ALMS1: variants seen among roughly 807,000 people sequenced by gnomAD.
ALMS1 encodes the protein ALMS1 centrosome and basal body associated protein.
In ALMS1, 271 loss-of-function variants were observed where a neutral mutation model predicts 352.2. The observed-to-expected ratio is 0.77, with a 90% CI of 0.70 to 0.85. The LOEUF (loss-of-function observed/expected upper bound fraction) is 0.85, where lower values mean the gene tolerates loss of function less well. Among genes scored for constraint, ALMS1 ranks in the 40% least tolerant of loss-of-function variants. ALMS1 has a pLI of 0.00. For missense variants in ALMS1, 5,445 were observed against 4,870.7 expected (o/e 1.12, Z -3.51); for synonymous variants, 1,865 against 1,761.2 (o/e 1.06, Z -1.48).
chr2:73,501,171 G>A (rs1388804546), intron 10 of ALMS1, among the ~76,000 whole-genome samples: 1 of 151,896 alleles, frequency 6.6e-6, no homozygotes, highest in Non-Finnish European at 1.5e-5. Flanking sequence ...TTTATCCATT[G>A]GATTATTTGT....
Position 73,448,809 on chromosome 2 carries a change from C to A in ALMS1, c.2282C>A (p.Ser761Tyr). The change falls in exon 8 of 23, where the codon TCT becomes TAT. Residue 761 changes from serine to tyrosine, a missense_variant. Ser to Tyr is a moderately radical substitution (Grantham distance 144). Transcript: ENST00000613296. ...DQKTEIPAVQ[S>Y]SSYSQREKPS... ...AAGACTGAGATACCAGCAGTACAGTCTAGTTCTTACTCACAAAGAGAAAAG... is the reference window on the plus strand; with the variant it reads ...AAGACTGAGATACCAGCAGTACAGTATAGTTCTTACTCACAAAGAGAAAAG... 6.2e-7 allele frequency: 1 copy of A among 1,614,072 alleles called. No homozygotes were observed. Among genetic ancestry groups the A allele is most frequent in the Non-Finnish European group, 8.5e-7 (1 of 1,179,990 alleles).
At chr2:73,527,354 C>G (rs372552404) in intron 11 of ALMS1, among the ~76,000 whole-genome samples, 33 of 150,608 alleles carry the variant, frequency 2.2e-4, no homozygotes, top group African/African-American at 8.0e-4. Context: ...AGTATTAGTT[C>G]TTCTTTAACT....
At chr2:73,558,106 T>G (rs1034197287) in intron 14 of ALMS1, among the ~76,000 whole-genome samples, 1 of 152,210 alleles carries the variant, frequency 6.6e-6, no homozygotes, top group African/African-American at 2.4e-5. Context: ...TTTTGCATTC[T>G]ATTGGCCAGA....
intron 10 of ALMS1, among the ~76,000 whole-genome samples, chr2:73,509,164 C>G (rs1673399080): frequency 6.6e-6 from 1 of 152,086 alleles, no homozygotes; most frequent in Non-Finnish European, 1.5e-5. Context: ...GATGCGTCTC[C>G]TGAATACAGC....
At position 73,491,408 on chromosome 2, in the gene ALMS1, G is replaced by A. The variant is rs34029285; in HGVS notation, c.9449G>A (p.Ser3150Asn). ...TTGAAAACCATACCTTCTCAGAATA[G>A]CCAGATAGTAACCTCCAGGCAAATA... The part of the protein sequence containing the change: ...QDLKTIPSQN[S>N]QIVTSRQIQV... The change falls in exon 10 of 23, where the codon AGC becomes AAC. Residue 3150 changes from serine (S) to asparagine (N), a missense_variant. Physicochemically the swap from Ser to Asn is conservative, Grantham distance 46 (BLOSUM62 1). Transcript: ENST00000613296. 3.2e-5 allele frequency: 51 copies of A among 1,614,012 alleles called. No individual in the cohort carries two copies. Among genetic ancestry groups the A allele is most frequent in the African/African-American group, 5.3e-5 (4 of 74,916 alleles).
chr2:73,482,655 A>G (rs1338172170), intron 9 of ALMS1, among the ~76,000 whole-genome samples: 2 of 152,342 alleles, frequency 1.3e-5, no homozygotes, highest in East Asian at 1.9e-4. Flanking sequence ...AAGGAATGGT[A>G]CCAGTTCCTT....
At chr2:73,392,018 G>C (rs956414988) in intron 1 of ALMS1, among the ~76,000 whole-genome samples, 2 of 151,934 alleles carry the variant, frequency 1.3e-5, no homozygotes, top group Non-Finnish European at 2.9e-5. Context: ...GTGCTACACA[G>C]TATTCTTTAT....
chr2:73,514,913 T>A (rs1478773865), intron 10 of ALMS1, among the ~76,000 whole-genome samples: 2 of 152,194 alleles, frequency 1.3e-5, no homozygotes, highest in Non-Finnish European at 2.9e-5. Flanking sequence ...TTGGCTTTGA[T>A]GCCCCAAGAG....
rs761322020 is a variant in ALMS1 at position 73,453,845 on chromosome 2, T to A, written c.7318T>A (p.Ser2440Thr). 3 of 1,614,164 alleles carry A rather than the reference T, an allele frequency of 1.9e-6. No homozygotes were observed. The South Asian group carries it at 3.3e-5, about 18-fold the overall frequency. ...SNLPESLESV[S>T]DVLLNFFPYV... ...TTTACCAGAGTCTTTGGAATCAGTTTCTGATGTTCTTCTAAACTTCTTTCC... is the reference window on the plus strand; with the variant it reads ...TTTACCAGAGTCTTTGGAATCAGTTACTGATGTTCTTCTAAACTTCTTTCC... Residue 2440 changes from serine to threonine, a missense_variant, in exon 8 of 23, where the codon TCT (serine) becomes ACT (threonine). Coordinates refer to ENST00000613296, the MANE Select transcript of ALMS1 (RefSeq NM_001378454.1).
At position 73,609,582 on chromosome 2, in the gene ALMS1, A is replaced by G; in HGVS notation, c.12477A>G (p.Gln4159=). 1 of 1,614,146 alleles carries G rather than the reference A, an allele frequency of 6.2e-7. No homozygotes were observed. Among genetic ancestry groups the G allele is most frequent in the Non-Finnish European group, 8.5e-7 (1 of 1,179,996 alleles). The change falls in exon 23 of 23, where the codon CAA becomes CAG. Residue 4159 remains glutamine, a synonymous_variant. Coordinates refer to ENST00000613296, the MANE Select transcript of ALMS1 (RefSeq NM_001378454.1). ...TTCTTCTACAGAGAGTGACCAATCAACTTCTGGGGAGAAAAGTTCCCTGGG... is the reference window on the plus strand; with the variant it reads ...TTCTTCTACAGAGAGTGACCAATCAGCTTCTGGGGAGAAAAGTTCCCTGGG... ...AQLYKKRVTN[Q]LLGRKVPWD is the part of the protein sequence containing the mutation.
chr2:73,519,399 A>G (rs1042930434), intron 10 of ALMS1, among the ~76,000 whole-genome samples: 9 of 152,180 alleles, frequency 5.9e-5, no homozygotes, highest in Non-Finnish European at 1.3e-4. Flanking sequence ...TCCTTGACAG[A>G]ATGCTCTGTT....
At chr2:73,394,130 T>G (rs1670707506) in intron 1 of ALMS1, among the ~76,000 whole-genome samples, 2 of 151,540 alleles carry the variant, frequency 1.3e-5, no homozygotes, top group Admixed American at 1.3e-4. Flanking sequence ...TAGGAGACAC[T>G]CTTTTGATTA....
At chr2:73,514,532 A>C (rs1361363863) in intron 10 of ALMS1, among the ~76,000 whole-genome samples, 1 of 152,142 alleles carries the variant, frequency 6.6e-6, no homozygotes, top group Non-Finnish European at 1.5e-5. Flanking sequence ...TGTTGCTTTG[A>C]ACAAACAACA....
chr2:73,453,982 CCTT>C lies in ALMS1; in HGVS notation c.7458_7460del (p.Leu2487del), dbSNP rs750234577. The C allele has an allele frequency of 9.9e-6, 16 of 1,613,390 alleles. No individual in the cohort carries two copies. The highest frequency in any genetic ancestry group is 6.7e-5 in the African/African-American group (5 of 74,832). On this transcript the variant is annotated inframe_deletion, in exon 8 of 23. Coordinates refer to ENST00000613296, the MANE Select transcript of ALMS1 (RefSeq NM_001378454.1). ...ATTCACTGGCTGCACATGTGAAAAA[CCTT>C]CTGCAATGTGAATCCTCACTGAATC...
chr2:73,445,383 A>C (rs142301442), intron 7 of ALMS1, among the ~76,000 whole-genome samples: 1,585 of 152,184 alleles, frequency 0.01, 42 homozygotes, highest in African/African-American at 0.036. Flanking sequence ...CATCCTCCTC[A>C]CTACCTTCCC....
At chr2:73,399,920 A>G (rs538269250) in intron 1 of ALMS1, among the ~76,000 whole-genome samples, 30 of 147,374 alleles carry the variant, frequency 2.0e-4, no homozygotes, top group East Asian at 1.2e-3. Flanking sequence ...TGTCAACATG[A>G]TGGATTATAT....
chr2:73,530,650 G>A (rs1404435961), intron 11 of ALMS1, among the ~76,000 whole-genome samples: 2 of 152,210 alleles, frequency 1.3e-5, no homozygotes, highest in African/African-American at 4.8e-5. Context: ...CTATTAGTGG[G>A]GGCTCCAACT....
At chr2:73,455,603 C>T (rs1453866800) in intron 9 of ALMS1, among the ~76,000 whole-genome samples, 1 of 152,080 alleles carries the variant, frequency 6.6e-6, no homozygotes, top group African/African-American at 2.4e-5. Flanking sequence ...AGGGTCTCTA[C>T]GTTGCCCAGG....
intron 2 of ALMS1, among the ~76,000 whole-genome samples, chr2:73,412,547 T>C (rs900556169): frequency 6.6e-6 from 1 of 152,156 alleles, no homozygotes; most frequent in African/African-American, 2.4e-5. Context: ...CCCAGCACTT[T>C]GGGAGGCCGA....
Sources: allele counts gnomAD v4.1 joint callset (sites outside exome capture counted in the v4.1 genomes callset), GRCh38; gene constraint gnomAD v4.1.1; transcripts MANE v1.5; gene names NCBI Gene and HGNC (gene_info 2026-07-23, HGNC 2026-07-21).